Variants in PITPNB observed in about 807,000 individuals in gnomAD.
PITPNB encodes the protein phosphatidylinositol transfer protein beta isoform.
A neutral mutation model predicts 45.9 loss-of-function variants in PITPNB; 16 were observed. The ratio of observed to expected loss-of-function variants is 0.35; its 90% CI spans 0.24 to 0.53. The LOEUF is 0.53. PITPNB is among the 20% of genes least tolerant of loss of function. The pLI is 0.93. For synonymous variants in PITPNB, 112 were observed against 108.9 expected, an observed-to-expected ratio of 1.03 and a Z score of -0.18; for missense variants, 188 against 330.5, an observed-to-expected ratio of 0.57 and a Z score of 3.34.
intron 8 of PITPNB, among the ~76,000 whole-genome samples, chr22:27,865,561 T>C (rs1934459449): frequency 6.6e-6 from 1 of 152,174 alleles, no homozygotes; most frequent in African/African-American, 2.4e-5. Flanking sequence ...GGGCAAATAT[T>C]TGGGACCCCA....
intron 8 of PITPNB, among the ~76,000 whole-genome samples, chr22:27,871,344 T>A (rs1934653172): frequency 6.6e-6 from 1 of 152,252 alleles, no homozygotes; most frequent in South Asian, 2.1e-4. Flanking sequence ...CATTGTCTTT[T>A]AATGTTTATA....
intron 3 of PITPNB, among the ~76,000 whole-genome samples, chr22:27,907,483 A>G (rs549727921): frequency 1.3e-5 from 2 of 152,138 alleles, no homozygotes; most frequent in Admixed American, 6.5e-5. Context: ...TGTTTTGCCC[A>G]GTTTATTTAT....
rs1934056679 is a variant in PITPNB, at chr22:27,852,734, CTG to C, written c.*966_*967del. The C allele has an allele frequency of 6.6e-6, 1 of 152,594 alleles. No homozygotes were observed. The highest frequency in any genetic ancestry group is 1.5e-5 in the Non-Finnish European group (1 of 68,040). 9.5% of individuals were successfully genotyped at this position (152,594 alleles called of 1,614,324 possible). A position where few individuals can be genotyped will look rare whatever the true frequency, so the allele number is the denominator to read the frequency against. Reference sequence around the variant, plus strand: ...GTTTCCAAGCTGTAGTTACAGAAAACTGTCATCTTCAAAACAAGACTCCATGA... The same window carrying C: ...GTTTCCAAGCTGTAGTTACAGAAAACTCATCTTCAAAACAAGACTCCATGA... On this transcript the variant is annotated 3_prime_UTR_variant, in exon 12 of 12. Transcript: ENST00000335272.
chr22:27,892,882 C>T (rs947459365), intron 7 of PITPNB, among the ~76,000 whole-genome samples: 1 of 152,140 alleles, frequency 6.6e-6, no homozygotes, highest in Admixed American at 6.5e-5. Flanking sequence ...AGAGTTGGCC[C>T]AGCCTGGCAC....
At position 27,896,534 on chromosome 22, in the gene PITPNB, T is replaced by C. The variant is rs1935438262; in HGVS notation, c.372+18A>G. On this transcript the variant is annotated intron_variant, in intron 6 of 11. Transcript: ENST00000335272. ...TTTCCAGGGACTTTTGTACTAAAAG[T>C]GCAGAGTTGAAACTTACATTTTCTA... 3 of 1,555,158 alleles carry C rather than the reference T, an allele frequency of 1.9e-6. No individual in the cohort carries two copies. The highest frequency in any genetic ancestry group is 2.7e-6 in the Non-Finnish European group (3 of 1,126,126).
At position 27,919,218 on chromosome 22, in the gene PITPNB, G is replaced by A; in HGVS notation, c.-27C>T. The A allele has an allele frequency of 1.3e-6, 2 of 1,598,284 alleles. No homozygotes were observed. Among genetic ancestry groups the A allele is most frequent in the East Asian group, 2.2e-5 (1 of 44,778 alleles). The stretch of plus-strand genomic sequence containing the variant: ...TTCCCGGAACCCCCTCACAGCTGCC[G>A]CCGATACCACCGCCGCCGCCGCCGC... On this transcript the variant is annotated 5_prime_UTR_variant, in exon 1 of 12. Coordinates refer to ENST00000335272, the MANE Select transcript of PITPNB (RefSeq NM_012399.5).
chr22:27,860,080 A>G, intron 9 of PITPNB, 51 bp downstream of exon 9: 2 of 1,013,470 alleles, frequency 2.0e-6, no homozygotes, highest in Non-Finnish European at 1.6e-6. Context: ...ATTAATAGCT[A>G]GCTCCGATCT....
chr22:27,861,776 G>T (rs1378029894), intron 8 of PITPNB, among the ~76,000 whole-genome samples: 1 of 152,214 alleles, frequency 6.6e-6, no homozygotes, highest in Non-Finnish European at 1.5e-5. Flanking sequence ...CATCATCTTA[G>T]GACTGTTGTG....
chr22:27,863,411 TAA>T (rs931292795), intron 8 of PITPNB, among the ~76,000 whole-genome samples: 7 of 152,198 alleles, frequency 4.6e-5, no homozygotes, highest in African/African-American at 1.2e-4. Context: ...TGACTTGTCC[TAA>T]AACTTCCTAC....
intron 7 of PITPNB, among the ~76,000 whole-genome samples, chr22:27,885,638 A>G (rs964919928): frequency 1.3e-5 from 2 of 152,120 alleles, no homozygotes; most frequent in African/African-American, 4.8e-5. Context: ...GCCTCTCAAA[A>G]TGCTGGAATT....
chr22:27,884,582 C>G (rs1935063630), intron 7 of PITPNB, among the ~76,000 whole-genome samples: 3 of 152,262 alleles, frequency 2.0e-5, no homozygotes, highest in Admixed American at 2.0e-4. Flanking sequence ...TGCTGAAAAG[C>G]CATGGTCTTG....
chr22:27,892,809 G>A (rs1485846751), intron 7 of PITPNB, among the ~76,000 whole-genome samples: 1 of 152,082 alleles, frequency 6.6e-6, no homozygotes, highest in African/African-American at 2.4e-5. Context: ...TAAAATTTAA[G>A]AACTTCTAGA....
intron 1 of PITPNB, among the ~76,000 whole-genome samples, chr22:27,918,896 C>T (rs1742287451): frequency 6.6e-6 from 1 of 152,072 alleles, no homozygotes; most frequent in Admixed American, 6.5e-5. Flanking sequence ...CCAGCGGAAA[C>T]TCCCGGCCGC....
At chr22:27,865,956 T>C (rs780620179) in intron 8 of PITPNB, among the ~76,000 whole-genome samples, 1 of 152,182 alleles carries the variant, frequency 6.6e-6, no homozygotes, top group Non-Finnish European at 1.5e-5. Flanking sequence ...CTTTGACACA[T>C]AACTCCAATC....
At chr22:27,883,713 C>T (rs1276392212) in intron 7 of PITPNB, among the ~76,000 whole-genome samples, 4 of 152,194 alleles carry the variant, frequency 2.6e-5, no homozygotes, top group Non-Finnish European at 4.4e-5. Context: ...CCCCAGCGAC[C>T]CTCAGGGGCT....
chr22:27,864,716 T>C lies in PITPNB; in HGVS notation c.535-4475A>G, dbSNP rs1601381691. Among the ~76,000 whole-genome samples the C allele has an allele frequency of 2.0e-5, 3 of 152,122 alleles. No homozygotes were observed. In the East Asian group the frequency reaches 5.8e-4, roughly 29 times the overall value. On this transcript the variant is annotated intron_variant, in intron 8 of 11. Transcript: ENST00000335272. ...ACTTTGGGAGGCCGAGGCAGGTGGATCACCTGATGTCAGGAGTTCTAAATC... is the reference window on the plus strand; with the variant it reads ...ACTTTGGGAGGCCGAGGCAGGTGGACCACCTGATGTCAGGAGTTCTAAATC...
intron 11 of PITPNB, 79 bp from the exon 12 acceptor site, chr22:27,853,742 C>CT: frequency 1.0e-6 from 1 of 962,088 alleles, no homozygotes; most frequent in Middle Eastern, 2.1e-4. Context: ...CACACACACT[C>CT]TCCAAATGCA....
intron 6 of PITPNB, 33 bp downstream of exon 6, chr22:27,896,518 AC>A (rs746373934): frequency 7.2e-7 from 1 of 1,387,342 alleles, no homozygotes; most frequent in South Asian, 1.2e-5. Flanking sequence ...GTTTCCAGGG[AC>A]TTTTGTACTA....
intron 3 of PITPNB, among the ~76,000 whole-genome samples, chr22:27,899,914 C>T (rs1362670204): frequency 6.6e-6 from 1 of 152,018 alleles, no homozygotes; most frequent in East Asian, 2.0e-4. Flanking sequence ...TTAGAAAAAG[C>T]AGGAGAGGCC....
Sources: allele counts gnomAD v4.1 joint callset (sites outside exome capture counted in the v4.1 genomes callset), GRCh38; gene constraint gnomAD v4.1.1; transcripts MANE v1.5; gene names NCBI Gene and HGNC (gene_info 2026-07-23, HGNC 2026-07-21).